The following TOX3 variants were observed in gnomAD, a reference collection of about 807,000 sequenced individuals.
TOX3 encodes the protein TOX high mobility group box family member 3.
Under a neutral mutation model 64.3 loss-of-function variants are expected in TOX3, and 22 were observed. The ratio of observed to expected loss-of-function variants is 0.34; its 90% CI spans 0.24 to 0.49. TOX3 has a LOEUF of 0.49. Ranked by LOEUF, TOX3 falls within the 20% of genes least tolerant of loss-of-function variation. TOX3 has a pLI of 0.99. For missense variants in TOX3, 661 were observed against 714.4 expected, an observed-to-expected ratio of 0.93 and a Z score of 0.85; for synonymous variants, 291 against 273.6, an observed-to-expected ratio of 1.06 and a Z score of -0.63.
At chr16:52,540,780 C>T (rs1963061490) in intron 1 of TOX3, among the ~76,000 whole-genome samples, 1 of 152,158 alleles carries the variant, frequency 6.6e-6, no homozygotes, top group African/African-American at 2.4e-5. Context: ...AGAGCTACAG[C>T]AGCCAACTTG....
At chr16:52,501,382 A>T (rs547117905) in intron 1 of TOX3, among the ~76,000 whole-genome samples, 1 of 152,348 alleles carries the variant, frequency 6.6e-6, no homozygotes, top group Admixed American at 6.5e-5. Flanking sequence ...GAATAAAAAT[A>T]TAGAGATGGC....
At chr16:52,500,248 T>C (rs1961965619) in intron 1 of TOX3, among the ~76,000 whole-genome samples, 1 of 152,226 alleles carries the variant, frequency 6.6e-6, no homozygotes, top group African/African-American at 2.4e-5. Context: ...TTTAGGTTAT[T>C]AGAGGATGCA....
intron 4 of TOX3, among the ~76,000 whole-genome samples, chr16:52,447,126 C>T (rs547518428): frequency 7.7e-4 from 117 of 152,284 alleles, no homozygotes; most frequent in Non-Finnish European, 1.5e-3. Context: ...CCAGCTACCA[C>T]CATCTAAGTT....
chr16:52,447,392 AG>A (rs1331500618), intron 4 of TOX3, among the ~76,000 whole-genome samples: 1 of 152,184 alleles, frequency 6.6e-6, no homozygotes, highest in Non-Finnish European at 1.5e-5. Context: ...TTTCTAAATG[AG>A]GGTCATTTGG....
chr16:52,457,201 G>A (rs903340283), intron 3 of TOX3, among the ~76,000 whole-genome samples: 2 of 151,970 alleles, frequency 1.3e-5, no homozygotes, highest in African/African-American at 4.8e-5. Context: ...TACATACTAC[G>A]GTCTTGCTTT....
chr16:52,511,260 G>A (rs962552681), intron 1 of TOX3, among the ~76,000 whole-genome samples: 8 of 152,182 alleles, frequency 5.3e-5, no homozygotes, highest in African/African-American at 1.2e-4. Context: ...TTGGGAGGCC[G>A]AGAAGGGTGG....
intron 4 of TOX3, among the ~76,000 whole-genome samples, chr16:52,448,664 C>G (rs1451902736): frequency 6.6e-6 from 1 of 152,172 alleles, no homozygotes; most frequent in Admixed American, 6.5e-5. Context: ...CCTCATCACT[C>G]TTAATCTTCT....
At chr16:52,542,233 G>T (rs1456197278) in intron 1 of TOX3, among the ~76,000 whole-genome samples, 3 of 152,108 alleles carry the variant, frequency 2.0e-5, no homozygotes, top group Non-Finnish European at 2.9e-5. Context: ...TCTTTACGCA[G>T]CTCTACTCCA....
chr16:52,475,542 G>A (rs1412938947), intron 1 of TOX3: 1 of 152,192 alleles, frequency 6.6e-6, no homozygotes, highest in African/African-American at 2.4e-5. Flanking sequence ...TTTTTATAGA[G>A]CCCTAGGTGG....
At chr16:52,534,578 A>C (rs773874414) in intron 1 of TOX3, among the ~76,000 whole-genome samples, 1 of 152,064 alleles carries the variant, frequency 6.6e-6, no homozygotes, top group African/African-American at 2.4e-5. Context: ...TTGAGGCTGC[A>C]GTGGCTATGA....
intron 1 of TOX3, among the ~76,000 whole-genome samples, chr16:52,485,550 A>G (rs1043880549): frequency 1.3e-5 from 2 of 152,084 alleles, no homozygotes; most frequent in African/African-American, 4.8e-5. Context: ...TATTTGGGTA[A>G]CAGGTACATT....
chr16:52,515,063 T>C (rs990938081), intron 1 of TOX3, among the ~76,000 whole-genome samples: 4 of 116,656 alleles, frequency 3.4e-5, no homozygotes, highest in African/African-American at 1.3e-4. Context: ...ATAAGTCCCA[T>C]GAAAACAGAG....
chr16:52,502,631 C>A (rs1962033935), intron 1 of TOX3, among the ~76,000 whole-genome samples: 1 of 152,124 alleles, frequency 6.6e-6, no homozygotes, highest in Non-Finnish European at 1.5e-5. Context: ...CCAGAAAGTT[C>A]TCTGAAATAC....
chr16:52,493,442 G>A (rs1460074531), intron 1 of TOX3, among the ~76,000 whole-genome samples: 1 of 152,030 alleles, frequency 6.6e-6, no homozygotes, highest in Non-Finnish European at 1.5e-5. Context: ...CCCAGGAGAG[G>A]TTAAAAAATA....
chr16:52,460,322 T>C (rs938759943), intron 3 of TOX3, among the ~76,000 whole-genome samples: 12 of 152,202 alleles, frequency 7.9e-5, no homozygotes, highest in African/African-American at 2.9e-4. Context: ...GTGTGTTTTA[T>C]AAATTCTCTT....
intron 1 of TOX3, among the ~76,000 whole-genome samples, chr16:52,502,243 GA>G (rs891728936): frequency 6.6e-6 from 1 of 152,060 alleles, no homozygotes; most frequent in African/African-American, 2.4e-5. Flanking sequence ...ATTTCAAAAT[GA>G]AAAATAGGAG....
At chr16:52,479,208 A>G (rs1201826147) in intron 1 of TOX3, among the ~76,000 whole-genome samples, 1 of 152,154 alleles carries the variant, frequency 6.6e-6, no homozygotes, top group East Asian at 1.9e-4. Flanking sequence ...GTAAGACAAA[A>G]GCACTTTGGT....
chr16:52,468,261 T>C (rs887385412), intron 2 of TOX3, among the ~76,000 whole-genome samples: 3 of 152,234 alleles, frequency 2.0e-5, no homozygotes, highest in Admixed American at 6.5e-5. Context: ...ATTTACTTTT[T>C]GTTTGCATTA....
chr16:52,449,856 G>T (rs907950049), intron 4 of TOX3, among the ~76,000 whole-genome samples: 1 of 152,350 alleles, frequency 6.6e-6, no homozygotes, highest in Admixed American at 6.5e-5. Flanking sequence ...CACCGAAGCC[G>T]CAAGGCTGTC....
Sources: gnomAD v4.1 joint callset for allele counts (sites outside exome capture counted in the v4.1 genomes callset) on GRCh38, gnomAD v4.1.1 for gene constraint, MANE v1.5 for transcripts, NCBI Gene and HGNC (gene_info 2026-07-23, HGNC 2026-07-21) for gene names.